Variants in FGF22 observed in about 807,000 individuals in gnomAD.
FGF22 encodes the protein fibroblast growth factor 22.
In FGF22, 11 loss-of-function variants were observed where a neutral mutation model predicts 10.3. The observed-to-expected ratio is 1.07, with a 90% confidence interval of 0.67 to 1.77. FGF22 has a LOEUF of 1.77. Ranked by LOEUF, FGF22 falls within the 40% of genes most tolerant of loss-of-function variation. The probability of loss-of-function intolerance (pLI) is 0.00; values close to 1 mark genes in which losing one functional copy is unlikely to be tolerated. For synonymous variants in FGF22, 136 were observed against 122.1 expected (o/e 1.11, Z -0.75); for missense variants, 317 against 273.2 (o/e 1.16, Z -1.13).
intron 1 of FGF22, chr19:641,190 G>C (rs983984220): frequency 7.7e-5 from 35 of 456,426 alleles, no homozygotes; most frequent in Admixed American, 1.4e-4. Flanking sequence ...GGGGGACCCA[G>C]TGGTGACAGA....
intron 1 of FGF22, 56 bp downstream of exon 1, chr19:640,195 G>A: frequency 1.7e-6 from 2 of 1,161,498 alleles, no homozygotes; most frequent in South Asian, 3.2e-5. Context: ...ACGGCAACGC[G>A]GCCGCCGTCT....
At chr19:639,930 G>T in exon 1 of FGF22, 1 of 1,224,234 alleles carries the variant, frequency 8.2e-7, no homozygotes, top group Non-Finnish European at 1.0e-6. Context: ...CGGGTCATGC[G>T]CCGCCGCCTG....
At chr19:643,257 A>T in exon 2 of FGF22, 2 of 1,611,534 alleles carry the variant, frequency 1.2e-6, no homozygotes, top group Middle Eastern at 1.7e-4. Context: ...TCCGCTCTGT[A>T]CACGTGGGCG....
chr19:643,190 T>G (rs747342413), intron 1 of FGF22, 45 bp from the exon 2 acceptor site: 1 of 969,666 alleles, frequency 1.0e-6, no homozygotes. Context: ...GCAGCGGTGC[T>G]GGGGGTGAGC....
intron 1 of FGF22, chr19:640,816 T>G (rs894113171): frequency 9.0e-6 from 2 of 222,020 alleles, no homozygotes; most frequent in Non-Finnish European, 1.9e-5. Flanking sequence ...CGGGGGGCAC[T>G]GGGAAGGGGG....
At chr19:640,138 C>A in exon 1 of FGF22, 1 of 1,315,450 alleles carries the variant, frequency 7.6e-7, no homozygotes, top group South Asian at 2.1e-5. Flanking sequence ...ACGGCCAGGA[C>A]AGTGAGTGCG....
At chr19:641,384 G>A (rs1056892340) in intron 1 of FGF22, 22 of 400,488 alleles carry the variant, frequency 5.5e-5, no homozygotes, top group African/African-American at 1.4e-4. Flanking sequence ...AGACCATCCC[G>A]GCTAACACGG....
At chr19:640,009 G>C in exon 1 of FGF22, 2 of 1,328,494 alleles carry the variant, frequency 1.5e-6, no homozygotes. Flanking sequence ...GCGCGTCGCG[G>C]GGACCGCGCA....
exon 3 of FGF22, chr19:643,413 C>T: frequency 6.2e-7 from 1 of 1,610,928 alleles, no homozygotes; most frequent in South Asian, 1.1e-5. Flanking sequence ...CCCGCAGCGA[C>T]TCTACACCGT....
In FGF22 at chr19:643,714, G is replaced by A. The variant is rs1219581819; in HGVS notation, c.*110G>A. 6 of 976,958 alleles carry A rather than the reference G, an allele frequency of 6.1e-6. No individual in the cohort carries two copies. The African/African-American group carries it at 9.8e-5, about 16-fold the overall frequency. The allele number at this position is 976,958 out of a possible 1,614,324, so 60.5% of individuals were successfully genotyped here. On this transcript the variant is annotated 3_prime_UTR_variant, in exon 3 of 3. Transcript: ENST00000215530. The stretch of plus-strand genomic sequence containing the variant: ...TGTAAGCGCTGAGTGCCCACCGTGT[G>A]CGGGCGCTGTGGACACAGCCCAGGA...
chr19:640,883 T>C (rs896747812), intron 1 of FGF22: 1 of 297,390 alleles, frequency 3.4e-6, no homozygotes, highest in Non-Finnish European at 6.9e-6. Context: ...AATCACCCCC[T>C]GTCCTTCCCA....
intron 1 of FGF22, among the ~76,000 whole-genome samples, chr19:642,079 G>A (rs1332942878): frequency 2.6e-5 from 4 of 152,184 alleles, no homozygotes; most frequent in Non-Finnish European, 2.9e-5. Context: ...GCATACAGTC[G>A]GCGCTCAAGC....
intron 1 of FGF22, chr19:641,066 C>T: frequency 2.4e-6 from 1 of 417,316 alleles, no homozygotes; most frequent in South Asian, 1.7e-5. Flanking sequence ...TCTCTCCAAG[C>T]CTCGGTTTCC....
chr19:641,577 A>G lies in FGF22; in HGVS notation c.214+1438A>G, dbSNP rs78856740. ...GCGACAGAGCGAGACTCCGTCTCAA[A>G]AAAAAAAAAAAAAAAAGAACAGTGA... On this transcript the variant is annotated intron_variant, in intron 1 of 2. Transcript: ENST00000215530. The G allele has an allele frequency of 5.0e-5, 9 of 180,368 alleles. No individual in the cohort carries two copies. In the East Asian group the frequency reaches 1.4e-3, roughly 28 times the overall value. 11.2% of individuals were successfully genotyped at this position (180,368 alleles called of 1,614,324 possible).
In FGF22 at chr19:641,463, T is replaced by C. The variant is rs532449148; in HGVS notation, c.214+1324T>C. On this transcript the variant is annotated intron_variant, in intron 1 of 2. Coordinates refer to ENST00000215530, the Ensembl canonical transcript of FGF22. ...GGTGGCGGGCGCCTGTAGTCCCAGCTACTCGGGAGGCTGAGGCAGGAGAAT... is the reference window on the plus strand; with the variant it reads ...GGTGGCGGGCGCCTGTAGTCCCAGCCACTCGGGAGGCTGAGGCAGGAGAAT... 1.1e-3 allele frequency: 378 copies of C among 341,440 alleles called. 1 individual carries two copies. The highest frequency in any genetic ancestry group is 7.5e-3 in the African/African-American group (351 of 46,582). The allele number at this position is 341,440 out of a possible 1,614,324, so 21.2% of individuals were successfully genotyped here.
rs1251516799 is a variant in FGF22 at position 640,097 on chromosome 19, G to C, written c.172G>C (p.Gly58Arg). The change falls in exon 1 of 3, where the codon GGC becomes CGC. Residue 58 changes from glycine (G) to arginine (R), a missense_variant. Physicochemically the swap from Gly to Arg is moderately radical, Grantham distance 125. Coordinates refer to ENST00000215530, the Ensembl canonical transcript of FGF22. The stretch of plus-strand genomic sequence containing the variant: ...TCACTTCTTCCTGCGCGTGGATCCC[G>C]GCGGCCGCGTGCAGGGCACCCGCTG... 1.7e-5 allele frequency: 24 copies of C among 1,399,468 alleles called. No individual in the cohort carries two copies. The highest frequency in any genetic ancestry group is 2.6e-4 in the Middle Eastern group (1 of 3,884). 86.7% of individuals were successfully genotyped at this position (1,399,468 alleles called of 1,614,324 possible).
At chr19:642,851 C>CAGA (rs1370338311) in intron 1 of FGF22, among the ~76,000 whole-genome samples, 1 of 151,536 alleles carries the variant, frequency 6.6e-6, no homozygotes, top group Non-Finnish European at 1.5e-5. Context: ...GCCCCCCTGA[C>CAGA]GTCCGTCCCT....
At chr19:643,487 G>GCGCCGC in exon 3 of FGF22, 1 of 1,611,024 alleles carries the variant, frequency 6.2e-7, no homozygotes, top group East Asian at 2.2e-5. Flanking sequence ...CACAGCGCTG[G>GCGCCGC]CGCCGCCGCG....
In FGF22 at chr19:640,149, GGGCGGCGGGGGCCTGGGGTGGGGA is replaced by G. The variant is rs1363391282; in HGVS notation, c.214+20_214+43del. 1.5e-6 allele frequency: 2 copies of G among 1,293,156 alleles called. No individual in the cohort carries two copies. The highest frequency in any genetic ancestry group is 3.1e-5 in the African/African-American group (2 of 64,452). The allele number at this position is 1,293,156 out of a possible 1,614,324, so 80.1% of individuals were successfully genotyped here. ...CGCCACGGCCAGGACAGTGAGTGCGGGGCGGCGGGGGCCTGGGGTGGGGAGGCGGCGGGTGACGGCAACGCGGCC... is the reference window on the plus strand; with the variant it reads ...CGCCACGGCCAGGACAGTGAGTGCGGGGCGGCGGGTGACGGCAACGCGGCC... On this transcript the variant is annotated intron_variant, in intron 1 of 2. Transcript: ENST00000215530.
Sources: allele counts gnomAD v4.1 joint callset (sites outside exome capture counted in the v4.1 genomes callset), GRCh38; gene constraint gnomAD v4.1.1; transcripts MANE v1.5; gene names NCBI Gene and HGNC (gene_info 2026-07-23, HGNC 2026-07-21).